PRDM1: variants seen among roughly 807,000 people sequenced by gnomAD.
The protein encoded by PRDM1 is PR/SET domain 1.
In PRDM1, 13 loss-of-function variants were observed where a neutral mutation model predicts 62.8. The ratio of observed to expected loss-of-function variants is 0.21; its 90% CI spans 0.13 to 0.33. The LOEUF (loss-of-function observed/expected upper bound fraction) is 0.33, where lower values mean the gene tolerates loss of function less well. Among genes scored for constraint, PRDM1 ranks in the 10% least tolerant of loss-of-function variants. The probability of loss-of-function intolerance (pLI) is 1.00; values close to 1 mark genes in which losing one functional copy is unlikely to be tolerated. For missense variants in PRDM1, 895 were observed against 1,058.8 expected (o/e 0.85, Z 2.15); for synonymous variants, 396 against 417.6 (o/e 0.95, Z 0.63).
chr6:106,109,846 A>G lies in PRDM1; in HGVS notation c.*2360A>G, dbSNP rs185078152. Reference sequence around the variant, plus strand: ...GGCTTTTTACTTTGCTAGAACAACAAACTATCTTATGTTTACATACTGGTT... The same window carrying G: ...GGCTTTTTACTTTGCTAGAACAACAGACTATCTTATGTTTACATACTGGTT... On this transcript the variant is annotated 3_prime_UTR_variant, in exon 7 of 7. Coordinates refer to ENST00000369096, the MANE Select transcript of PRDM1 (RefSeq NM_001198.4). 6 of 232,758 alleles carry G rather than the reference A, an allele frequency of 2.6e-5. No homozygotes were observed. The East Asian group carries it at 3.6e-4, about 14-fold the overall frequency. 14.4% of individuals were successfully genotyped at this position (232,758 alleles called of 1,614,324 possible). A position where few individuals can be genotyped will look rare whatever the true frequency, so the allele number is the denominator to read the frequency against.
At chr6:106,061,350 G>A (rs1773342023) in intron 1 of PRDM1, among the ~76,000 whole-genome samples, 1 of 142,618 alleles carries the variant, frequency 7.0e-6, no homozygotes, top group Non-Finnish European at 1.5e-5. Context: ...CGGACTGAGT[G>A]CCTTCCAGCA....
intron 1 of PRDM1, among the ~76,000 whole-genome samples, chr6:106,020,274 G>A (rs1257907324): frequency 6.6e-6 from 1 of 151,454 alleles, no homozygotes; most frequent in Non-Finnish European, 1.5e-5. Flanking sequence ...TATGCCAGGC[G>A]GTTTACATTT....
Position 106,106,878 on chromosome 6 carries a change from C to CCTTCCCTGCTGTCTCT in PRDM1, c.1903-30_1903-15dup, listed in dbSNP as rs1774507304. 6.4e-7 allele frequency: 1 copy of CCTTCCCTGCTGTCTCT among 1,571,370 alleles called. No individual in the cohort carries two copies. The highest frequency in any genetic ancestry group is 8.7e-7 in the Non-Finnish European group (1 of 1,151,672). ...CTTAATCTTCTGGCCTTCCTGTCTC[C>CCTTCCCTGCTGTCTCT]CTTCCCTGCTGTCTCTCTCCCCTAC... On this transcript the variant is annotated intron_variant, in intron 6 of 6. Coordinates refer to ENST00000369096, the MANE Select transcript of PRDM1 (RefSeq NM_001198.4). This position sits in a 1 kb window ranked among gnomAD's most constrained non-coding sequence, Gnocchi z 4.4.
At chr6:106,102,805 A>C (rs1260367339) in intron 4 of PRDM1, among the ~76,000 whole-genome samples, 2 of 152,214 alleles carry the variant, frequency 1.3e-5, no homozygotes, top group Non-Finnish European at 2.9e-5. Context: ...TCATGAGGGT[A>C]AAGTTTTTTG....
At chr6:106,044,535 C>G (rs1389056084), upstream of PRDM1, among the ~76,000 whole-genome samples, 1 of 152,180 alleles carries the variant, frequency 6.6e-6, no homozygotes, top group Non-Finnish European at 1.5e-5. Flanking sequence ...GGCCTCAAAT[C>G]GTATCACCTC....
intron 1 of PRDM1, among the ~76,000 whole-genome samples, chr6:106,030,591 C>T (rs747052220): frequency 1.1e-4 from 17 of 152,098 alleles, no homozygotes; most frequent in Non-Finnish European, 2.1e-4. Context: ...GGTAACTTAT[C>T]TAAAAAACTG....
intron 1 of PRDM1, among the ~76,000 whole-genome samples, chr6:106,009,961 A>T (rs568060595): frequency 6.6e-6 from 1 of 152,072 alleles, no homozygotes; most frequent in African/African-American, 2.4e-5. Flanking sequence ...CAAGTGATCC[A>T]CCTGCCTGGG....
rs983725522 is a variant in PRDM1, at chr6:106,107,623, TAAA to T, written c.*138_*140del. ...AATGGTTTCCCCTCACCTCTGGAAT[TAAA>T]GAAGGAACTCCAAAGTTACTGAAAT... On this transcript the variant is annotated 3_prime_UTR_variant, in exon 7 of 7. Coordinates refer to ENST00000369096, the MANE Select transcript of PRDM1 (RefSeq NM_001198.4). The T allele has an allele frequency of 1.7e-5, 11 of 665,790 alleles. No homozygotes were observed. The African/African-American group carries it at 2.0e-4, about 12-fold the overall frequency. 41.2% of individuals were successfully genotyped at this position (665,790 alleles called of 1,614,324 possible). A position where few individuals can be genotyped will look rare whatever the true frequency, so the allele number is the denominator to read the frequency against.
chr6:106,098,243 TAAAGTC>T, intron 3 of PRDM1: 5 of 985,198 alleles, frequency 5.1e-6, no homozygotes, highest in Non-Finnish European at 6.0e-6. Flanking sequence ...GGAAATTTCT[TAAAGTC>T]TAAAGTAAAG....
Position 106,105,559 on chromosome 6 carries a change from C to G in PRDM1, c.1399C>G (p.Pro467Ala), listed in dbSNP as rs555991112. 2 of 1,612,834 alleles carry G rather than the reference C, an allele frequency of 1.2e-6. No individual in the cohort carries two copies. The highest frequency in any genetic ancestry group is 1.1e-5 in the South Asian group (1 of 91,020). ...PHPMLNPTSL[P>A]SSLPSDGARR... ...CCCCATGCTCAACCCCACTTCTCTCCCGAGCTCGCTGCCCTCAGATGGAGC... is the reference window on the plus strand; with the variant it reads ...CCCCATGCTCAACCCCACTTCTCTCGCGAGCTCGCTGCCCTCAGATGGAGC... The change falls in exon 5 of 7, where the codon CCG becomes GCG. Residue 467 changes from proline to alanine, a missense_variant. This residue lies in a region of PRDM1 where 444 missense variants were observed against 422.7 expected (regional missense o/e 1.05). Transcript: ENST00000369096.
Position 105,995,134 on chromosome 6 carries a change from C to CT in PRDM1, c.-67+1499dup, listed in dbSNP as rs144448573. ...ATCCTCCTCCCCATTCCCTTGCCTTCTTTTAGGTCTTCGGTTCGTGACAAG... is the reference window on the plus strand; with the variant it reads ...ATCCTCCTCCCCATTCCCTTGCCTTCTTTTTAGGTCTTCGGTTCGTGACAAG... On this transcript the variant is annotated intron_variant, in intron 1 of 6. Transcript: ENST00000652320. Among the ~76,000 whole-genome samples, 1,242 of 152,300 alleles carry CT rather than the reference C, an allele frequency of 8.2e-3. 20 individuals are homozygous for CT. The highest frequency in any genetic ancestry group is 0.029 in the African/African-American group (1,199 of 41,554).
Position 106,002,007 on chromosome 6 carries a change from G to T in PRDM1, c.-67+8368G>T, listed in dbSNP as rs1356609867. 2.6e-5 allele frequency among the ~76,000 whole-genome samples: 4 copies of T among 152,170 alleles called. No individual in the cohort carries two copies. The East Asian group carries it at 5.8e-4, about 22-fold the overall frequency. On this transcript the variant is annotated intron_variant, in intron 1 of 6. Coordinates refer to the PRDM1 transcript ENST00000652320. Reference sequence around the variant, plus strand: ...TTGATACCAAACTAATTTGAAACCTGCTGTTGAATTTGGCTGTCCTGAATT... The same window carrying T: ...TTGATACCAAACTAATTTGAAACCTTCTGTTGAATTTGGCTGTCCTGAATT...
chr6:106,100,950 T>C (rs902805540), intron 4 of PRDM1, among the ~76,000 whole-genome samples: 1 of 152,142 alleles, frequency 6.6e-6, no homozygotes, highest in Non-Finnish European at 1.5e-5. Context: ...TCCCCGAGAC[T>C]CTGGAGACTC....
rs1246158360 is a variant in PRDM1 at position 106,105,606 on chromosome 6, G to T, written c.1446G>T (p.Glu482Asp). 2 of 1,613,220 alleles carry T rather than the reference G, an allele frequency of 1.2e-6. No homozygotes were observed. The highest frequency in any genetic ancestry group is 2.2e-5 in the South Asian group (2 of 91,056). The change falls in exon 5 of 7, where the codon GAG (glutamate) becomes GAT (aspartate). Residue 482 changes from glutamate (E) to aspartate (D), a missense_variant. This residue lies in a region of PRDM1 where 444 missense variants were observed against 422.7 expected (regional missense o/e 1.05). Coordinates refer to ENST00000369096, the MANE Select transcript of PRDM1 (RefSeq NM_001198.4). Reference sequence around the variant, plus strand: ...GAGCCCGGAGGTTGCTCCAGCCGGAGCATCCCAGGGAGGTGCTTGTCCCGG... The same window carrying T: ...GAGCCCGGAGGTTGCTCCAGCCGGATCATCCCAGGGAGGTGCTTGTCCCGG... ...SDGARRLLQP[E>D]HPREVLVPAP...
intron 1 of PRDM1, among the ~76,000 whole-genome samples, chr6:106,063,924 T>C (rs955148632): frequency 6.6e-6 from 1 of 152,214 alleles, no homozygotes; most frequent in East Asian, 1.9e-4. Context: ...GAGAATAGCT[T>C]TGAATTTAAA....
Position 105,998,890 on chromosome 6 carries a change from CATATATATATATATATAT to C in PRDM1, c.-67+5278_-67+5295del, listed in dbSNP as rs202209129. Among the ~76,000 whole-genome samples, 466 of 100,048 alleles carry C rather than the reference CATATATATATATATATAT, an allele frequency of 4.7e-3. 5 individuals are homozygous for C. Among genetic ancestry groups the C allele is most frequent in the Non-Finnish European group, 5.9e-3 (312 of 52,538 alleles). 65.6% of individuals were successfully genotyped at this position (100,048 alleles called of 152,430 possible). A position where few individuals can be genotyped will look rare whatever the true frequency, so the allele number is the denominator to read the frequency against. On this transcript the variant is annotated intron_variant, in intron 1 of 6. Transcript: ENST00000652320. ...GCATTGGGATTTTTAAAAGTTAATA[CATATATATATATATATAT>C]ATATATATATATATATATATATATA...
At position 106,105,024 on chromosome 6, in the gene PRDM1, C is replaced by G. The variant is rs1397004350; in HGVS notation, c.864C>G (p.Ser288Arg). 6.2e-7 allele frequency: 1 copy of G among 1,614,142 alleles called. No homozygotes were observed. Among genetic ancestry groups the G allele is most frequent in the Admixed American group, 1.7e-5 (1 of 60,020 alleles). ...TCGATGACTTTAGAAGACGTGGGAG[C>G]CCCGAAATGCCCTTCTACCCTCGGG... is the stretch of plus-strand genomic sequence containing the variant. ...KDLDDFRRRGSPEMPFYPRVV... is the reference protein window; with the variant it reads ...KDLDDFRRRGRPEMPFYPRVV... Residue 288 changes from serine to arginine, a missense_variant, in exon 5 of 7, where the codon AGC becomes AGG. This residue lies in a region of PRDM1 where 444 missense variants were observed against 422.7 expected (regional missense o/e 1.05). Coordinates refer to ENST00000369096, the MANE Select transcript of PRDM1 (RefSeq NM_001198.4).
intron 1 of PRDM1, among the ~76,000 whole-genome samples, chr6:106,032,080 G>A (rs1287886823): frequency 6.6e-6 from 1 of 152,096 alleles, no homozygotes; most frequent in Non-Finnish European, 1.5e-5. Context: ...CAGACAAATC[G>A]ACTTTGTTAA....
chr6:106,106,004 A>T lies in PRDM1; in HGVS notation c.1773+71A>T. On this transcript the variant is annotated intron_variant, in intron 5 of 6. Transcript: ENST00000369096. The surrounding 1 kb of genome is among the most constrained non-coding windows in gnomAD (Gnocchi z 4.4). ...TGTGTTTGTATTTAGCTTGCTTTCC[A>T]TGGGGTATCGATTGCATTTGCAGTA... The T allele has an allele frequency of 5.2e-6, 8 of 1,540,212 alleles. No individual in the cohort carries two copies. The highest frequency in any genetic ancestry group is 2.0e-5 in the Admixed American group (1 of 50,940).
Sources: allele counts gnomAD v4.1 joint callset (sites outside exome capture counted in the v4.1 genomes callset), GRCh38; gene constraint gnomAD v4.1.1; regional missense constraint gnomAD v4.1.1; non-coding constraint Gnocchi (gnomAD v3.1); transcripts MANE v1.5; gene names NCBI Gene and HGNC (gene_info 2026-07-23, HGNC 2026-07-21).